The following NBEA variants were observed in gnomAD, a reference collection of about 807,000 sequenced individuals.
NBEA encodes neurobeachin, also known as lysosomal-trafficking regulator 2.
Under a neutral mutation model 343.4 loss-of-function variants are expected in NBEA, and 44 were observed. The observed-to-expected ratio is 0.13, with a 90% CI of 0.10 to 0.16. The LOEUF is 0.16. Ranked by LOEUF, NBEA falls within the 10% of genes least tolerant of loss-of-function variation. NBEA has a pLI of 1.00. For synonymous variants in NBEA, 1,175 were observed against 1,238.7 expected (o/e 0.95, Z 1.08); for missense variants, 2,555 against 3,631.3 (o/e 0.70, Z 7.62).
At chr13:35,185,308 C>G (rs1335206200) in intron 30 of NBEA, 2 of 151,938 alleles carry the variant, frequency 1.3e-5, no homozygotes, top group African/African-American at 2.4e-5. Context: ...CCAGGTGATA[C>G]AATACTTCAG....
At chr13:35,380,084 T>C (rs927845162) in intron 38 of NBEA, among the ~76,000 whole-genome samples, 9 of 152,208 alleles carry the variant, frequency 5.9e-5, no homozygotes, top group Admixed American at 1.3e-4. Flanking sequence ...ACTTTTGATA[T>C]GCAAATGGCA....
At chr13:35,178,336 A>G (rs971223297) in intron 28 of NBEA, among the ~76,000 whole-genome samples, 1 of 151,750 alleles carries the variant, frequency 6.6e-6, no homozygotes, top group Admixed American at 6.6e-5. Flanking sequence ...TTCATCAGAG[A>G]TATCTACAGG....
At chr13:35,440,129 C>T (rs909718874) in intron 39 of NBEA, among the ~76,000 whole-genome samples, 3 of 152,364 alleles carry the variant, frequency 2.0e-5, no homozygotes, top group Admixed American at 2.0e-4. Context: ...ATCCACCCGT[C>T]TTGGCCTCCC....
chr13:34,989,384 C>A (rs1019298360), intron 1 of NBEA, among the ~76,000 whole-genome samples: 1 of 150,860 alleles, frequency 6.6e-6, no homozygotes, highest in Admixed American at 6.6e-5. Flanking sequence ...TACAGGAAGC[C>A]TGGCTGGGGA....
At position 35,454,067 on chromosome 13, in the gene NBEA, G is replaced by A. The variant is rs542946979; in HGVS notation, c.6448+1832G>A. Among the ~76,000 whole-genome samples, 215 of 152,116 alleles carry A rather than the reference G, an allele frequency of 1.4e-3. 1 individual carries two copies. The highest frequency in any genetic ancestry group is 5.1e-3 in the African/African-American group (210 of 41,498). ...TGGTCCTAACTCATACTCTTCTAGC[G>A]GGATCCTTGTGTGTTACAGCTGTCC... On this transcript the variant is annotated intron_variant, in intron 40 of 58. Coordinates refer to ENST00000379939, the MANE Select transcript of NBEA (RefSeq NM_001385012.1).
intron 49 of NBEA, among the ~76,000 whole-genome samples, chr13:35,637,501 C>G (rs1325897701): frequency 2.0e-5 from 3 of 152,088 alleles, no homozygotes; most frequent in Non-Finnish European, 4.4e-5. Flanking sequence ...ATTTGTATAC[C>G]TATGTCCACA....
chr13:35,045,751 A>G (rs1420857722), intron 4 of NBEA, among the ~76,000 whole-genome samples: 2 of 149,174 alleles, frequency 1.3e-5, no homozygotes, highest in African/African-American at 2.5e-5. Context: ...TGTGTTTTTG[A>G]CGGAGGCTTG....
At position 35,118,326 on chromosome 13, in the gene NBEA, T is replaced by C. The variant is rs749915123; in HGVS notation, c.2145+36T>C. 4 of 1,566,520 alleles carry C rather than the reference T, an allele frequency of 2.6e-6. No homozygotes were observed. In the East Asian group the frequency reaches 7.0e-5, roughly 27 times the overall value. ...TTATGGGCCTTTTATTTTAATTATT[T>C]AAGCCAATCTTTAGAGTAAAATTTT... is the stretch of plus-strand genomic sequence containing the variant. On this transcript the variant is annotated intron_variant, in intron 15 of 58. Coordinates refer to ENST00000379939, the MANE Select transcript of NBEA (RefSeq NM_001385012.1).
intron 36 of NBEA, among the ~76,000 whole-genome samples, chr13:35,331,319 AC>A (rs2152848469): frequency 6.6e-6 from 1 of 151,572 alleles, no homozygotes; most frequent in South Asian, 2.1e-4. Flanking sequence ...ATCTAATCTT[AC>A]AGTTTGGGCA....
At chr13:35,221,469 C>T (rs1342266452) in intron 33 of NBEA, among the ~76,000 whole-genome samples, 2 of 152,002 alleles carry the variant, frequency 1.3e-5, no homozygotes, top group Admixed American at 1.3e-4. Flanking sequence ...ATCAGAGCTA[C>T]CTCTGTCATC....
intron 13 of NBEA, among the ~76,000 whole-genome samples, chr13:35,116,969 C>T (rs1302942968): frequency 6.6e-6 from 1 of 151,708 alleles, no homozygotes; most frequent in African/African-American, 2.4e-5. Flanking sequence ...CAAATAATTG[C>T]AATAAAACAG....
At chr13:35,102,413 C>G (rs1453722519) in intron 11 of NBEA, among the ~76,000 whole-genome samples, 1 of 151,514 alleles carries the variant, frequency 6.6e-6, no homozygotes, top group Non-Finnish European at 1.5e-5. Context: ...CTTTCCATTT[C>G]CATATATATA....
Position 35,196,028 on chromosome 13 carries a change from G to A in NBEA, c.5092G>A (p.Asp1698Asn). ...AGAATTAGAAACAAGTACAGGCCCT[G>A]ATGCCATGAGTGAACTCTTATCCAC... Reference protein sequence around the residue: ...GAELETSTGPDAMSELLSTLS... With the variant: ...GAELETSTGPNAMSELLSTLS... Residue 1698 changes from aspartate (D) to asparagine (N), a missense_variant, in exon 31 of 59, where the codon GAT becomes AAT. This residue lies in a region of NBEA where 270 missense variants were observed against 293.3 expected (regional missense o/e 0.92). Transcript: ENST00000379939. 6.2e-7 allele frequency: 1 copy of A among 1,613,628 alleles called. No homozygotes were observed. The highest frequency in any genetic ancestry group is 8.5e-7 in the Non-Finnish European group (1 of 1,179,716).
chr13:35,141,323 GT>G (rs1489353697), intron 17 of NBEA, among the ~76,000 whole-genome samples: 5 of 152,148 alleles, frequency 3.3e-5, no homozygotes, highest in Non-Finnish European at 2.9e-5. Flanking sequence ...CTGGAGTGCA[GT>G]GGCTCGATCT....
intron 10 of NBEA, 21 bp downstream of exon 10, chr13:35,070,873 C>T: frequency 6.2e-7 from 1 of 1,608,324 alleles, no homozygotes; most frequent in Non-Finnish European, 8.5e-7. Flanking sequence ...TTTGCATGTA[C>T]AATTGCTGGT....
chr13:34,999,056 T>G (rs1001410235), intron 1 of NBEA, among the ~76,000 whole-genome samples: 1 of 152,154 alleles, frequency 6.6e-6, no homozygotes, highest in African/African-American at 2.4e-5. Flanking sequence ...GGTCCCTCCG[T>G]TTGGGGTCCC....
Position 35,109,328 on chromosome 13 carries a change from A to G in NBEA, c.1719A>G (p.Gln573=). The G allele has an allele frequency of 1.2e-6, 2 of 1,612,116 alleles. No individual in the cohort carries two copies. The highest frequency in any genetic ancestry group is 2.2e-5 in the East Asian group (1 of 44,688). The change falls in exon 12 of 59, where the codon CAA becomes CAG. Residue 573 remains glutamine (Q), a synonymous_variant. Coordinates refer to ENST00000379939, the MANE Select transcript of NBEA (RefSeq NM_001385012.1). ...ATATAACTAGAGCTGTCCTGGAGCA[A>G]TTTTTATCTTTTGCAAAATACCTTG... ...RVHITRAVLE[Q]FLSFAKYLDG...
At chr13:35,142,164 T>C (rs921629532) in intron 17 of NBEA, 105 bp from the exon 18 acceptor site, 2 of 565,784 alleles carry the variant, frequency 3.5e-6, no homozygotes, top group African/African-American at 3.7e-5. Context: ...TAATTACTTG[T>C]ATTATTCTGT....
Position 35,104,011 on chromosome 13 carries a change from A to G in NBEA, c.1681-5279A>G, listed in dbSNP as rs371744456. Among the ~76,000 whole-genome samples, 3 of 151,910 alleles carry G rather than the reference A, an allele frequency of 2.0e-5. No homozygotes were observed. In the South Asian group the frequency reaches 6.2e-4, roughly 31 times the overall value. ...TATTCAAGTCTTCATCCTTCTCATAATGAAGTCATAAGCCTTATACCTCAC... is the reference window on the plus strand; with the variant it reads ...TATTCAAGTCTTCATCCTTCTCATAGTGAAGTCATAAGCCTTATACCTCAC... On this transcript the variant is annotated intron_variant, in intron 11 of 58. Transcript: ENST00000379939.
Sources: allele counts gnomAD v4.1 joint callset (sites outside exome capture counted in the v4.1 genomes callset), GRCh38; gene constraint gnomAD v4.1.1; regional missense constraint gnomAD v4.1.1; transcripts MANE v1.5; gene names NCBI Gene and HGNC (gene_info 2026-07-23, HGNC 2026-07-21).